The following LRRC7 variants were observed in gnomAD, a reference collection of about 807,000 sequenced individuals.
The protein encoded by LRRC7 is leucine-rich repeat-containing protein 7.
LRRC7 carries 23 observed loss-of-function variants against 175.7 expected under a neutral mutation model. That is an observed-to-expected ratio of 0.13 (90% confidence interval 0.09 to 0.19). The LOEUF (loss-of-function observed/expected upper bound fraction) is 0.19. LRRC7 is among the 10% of genes least tolerant of loss of function. The probability of loss-of-function intolerance (pLI) is 1.00; values close to 1 mark genes in which losing one functional copy is unlikely to be tolerated. For missense variants in LRRC7, 1,354 were observed against 1,904.7 expected (o/e 0.71, Z 5.38); for synonymous variants, 685 against 680.9 (o/e 1.01, Z -0.09).
chr1:69,622,973 G>A (rs960784880), intron 1 of LRRC7, among the ~76,000 whole-genome samples: 25 of 152,128 alleles, frequency 1.6e-4, no homozygotes, highest in African/African-American at 5.8e-4. Context: ...CTACTTCCTT[G>A]TCTGTTTCCT....
chr1:69,703,115 A>T (rs1663578590), intron 2 of LRRC7, among the ~76,000 whole-genome samples: 1 of 152,010 alleles, frequency 6.6e-6, no homozygotes, highest in Admixed American at 6.6e-5. Context: ...AAACAGTAAA[A>T]TTTTTATGAA....
intron 4 of LRRC7, among the ~76,000 whole-genome samples, chr1:69,794,990 A>G (rs1161513078): frequency 1.3e-5 from 2 of 152,250 alleles, no homozygotes; most frequent in East Asian, 3.8e-4. Context: ...CTAGTATAGT[A>G]CTATAGGCTT....
intron 1 of LRRC7, among the ~76,000 whole-genome samples, chr1:69,651,206 T>C (rs1655778225): frequency 1.3e-5 from 2 of 152,196 alleles, no homozygotes; most frequent in Non-Finnish European, 2.9e-5. Context: ...CAAATCTGCA[T>C]ATTTATTTAA....
At chr1:69,700,159 C>A (rs1663165195) in intron 2 of LRRC7, among the ~76,000 whole-genome samples, 1 of 152,114 alleles carries the variant, frequency 6.6e-6, no homozygotes, top group Admixed American at 6.5e-5. Flanking sequence ...ACTTAGCTAG[C>A]ACAAAACAGT....
intron 1 of LRRC7, among the ~76,000 whole-genome samples, chr1:69,651,527 A>G (rs1655828574): frequency 6.6e-6 from 1 of 152,236 alleles, no homozygotes. Flanking sequence ...GAGTACTGAC[A>G]TCAGTAAAAT....
At chr1:69,718,355 C>T (rs1388573174) in intron 2 of LRRC7, among the ~76,000 whole-genome samples, 6 of 151,614 alleles carry the variant, frequency 4.0e-5, no homozygotes, top group Non-Finnish European at 5.9e-5. Context: ...TTGCCAGATT[C>T]CACAGCAACT....
chr1:69,689,850 T>C (rs1661620094), intron 2 of LRRC7, among the ~76,000 whole-genome samples: 1 of 152,212 alleles, frequency 6.6e-6, no homozygotes, highest in Non-Finnish European at 1.5e-5. Context: ...GAAGTTGTAC[T>C]AGGCTGAATT....
intron 2 of LRRC7, among the ~76,000 whole-genome samples, chr1:69,729,181 T>C (rs1395538683): frequency 6.6e-6 from 1 of 152,074 alleles, no homozygotes; most frequent in Non-Finnish European, 1.5e-5. Context: ...GAACTAAAAT[T>C]CAATATGAGA....
intron 8 of LRRC7, among the ~76,000 whole-genome samples, chr1:69,957,215 G>C (rs1291148647): frequency 1.3e-5 from 2 of 151,714 alleles, no homozygotes; most frequent in Non-Finnish European, 2.9e-5. Context: ...GGATAACTTT[G>C]GAACTGATAC....
chr1:69,966,035 T>C (rs1260874601), intron 8 of LRRC7, among the ~76,000 whole-genome samples: 1 of 152,136 alleles, frequency 6.6e-6, no homozygotes, highest in East Asian at 1.9e-4. Context: ...AAAATCTAAA[T>C]GTTATTAAAC....
chr1:69,803,557 T>C (rs1676768828), intron 4 of LRRC7, among the ~76,000 whole-genome samples: 1 of 151,434 alleles, frequency 6.6e-6, no homozygotes, highest in Admixed American at 6.6e-5. Flanking sequence ...GTTGATTCTA[T>C]GTAGAAACAT....
intron 24 of LRRC7, among the ~76,000 whole-genome samples, chr1:70,081,763 GA>G (rs1261452107): frequency 6.6e-6 from 1 of 152,136 alleles, no homozygotes; most frequent in Non-Finnish European, 1.5e-5. Context: ...TGGACAAGGG[GA>G]CCTCCCTAAC....
At chr1:69,778,973 T>C (rs578150023) in intron 3 of LRRC7, among the ~76,000 whole-genome samples, 3 of 146,874 alleles carry the variant, frequency 2.0e-5, no homozygotes, top group East Asian at 2.0e-4. Context: ...TATATATATA[T>C]ATACACACAC....
chr1:70,044,328 G>A (rs1222064256), intron 22 of LRRC7, among the ~76,000 whole-genome samples: 1 of 152,094 alleles, frequency 6.6e-6, no homozygotes, highest in East Asian at 1.9e-4. Flanking sequence ...TTTGGATTGA[G>A]CAGGTACATG....
At chr1:69,991,629 G>A (rs61782621) in intron 10 of LRRC7, among the ~76,000 whole-genome samples, 81 of 152,212 alleles carry the variant, frequency 5.3e-4, no homozygotes, top group Non-Finnish European at 9.4e-4. Context: ...ATTGGATGGC[G>A]AATTGCATCG....
At chr1:69,852,639 G>T (rs1176582194) in intron 7 of LRRC7, among the ~76,000 whole-genome samples, 1 of 152,034 alleles carries the variant, frequency 6.6e-6, no homozygotes, top group East Asian at 1.9e-4. Context: ...TAATAACATG[G>T]CTTAAACTGA....
intron 26 of LRRC7, among the ~76,000 whole-genome samples, chr1:70,112,534 T>A (rs922437235): frequency 7.2e-5 from 11 of 152,208 alleles, no homozygotes; most frequent in Non-Finnish European, 1.0e-4. Context: ...ATCTAATAAA[T>A]GTTGTAGCTG....
chr1:69,936,804 A>G (rs1194464652), intron 8 of LRRC7, among the ~76,000 whole-genome samples: 1 of 152,080 alleles, frequency 6.6e-6, no homozygotes, highest in Admixed American at 6.6e-5. Context: ...CCCACTTATA[A>G]GTGAGAGCAT....
chr1:69,842,846 T>C (rs1318715054), intron 7 of LRRC7, among the ~76,000 whole-genome samples: 1 of 152,122 alleles, frequency 6.6e-6, no homozygotes, highest in Non-Finnish European at 1.5e-5. Context: ...ATATACATGT[T>C]CTTATTTTCA....
Sources: gnomAD v4.1 joint callset for allele counts (sites outside exome capture counted in the v4.1 genomes callset) on GRCh38, gnomAD v4.1.1 for gene constraint, MANE v1.5 for transcripts, NCBI Gene and HGNC (gene_info 2026-07-23, HGNC 2026-07-21) for gene names.